CREB5: variants seen among roughly 807,000 people sequenced by gnomAD.
CREB5 encodes cAMP responsive element binding protein 5.
CREB5 carries 19 observed loss-of-function variants against 57.1 expected under a neutral mutation model. That is an observed-to-expected ratio of 0.33 (90% CI 0.23 to 0.49). The LOEUF (loss-of-function observed/expected upper bound fraction) is 0.49. CREB5 is among the 20% of genes least tolerant of loss of function. CREB5 has a pLI of 0.99. For synonymous variants in CREB5, 238 were observed against 238.3 expected (o/e 1.00, Z 0.01); for missense variants, 579 against 671.6 (o/e 0.86, Z 1.52).
intron 4 of CREB5, among the ~76,000 whole-genome samples, chr7:28,562,954 G>C (rs1795337214): frequency 6.6e-6 from 1 of 152,184 alleles, no homozygotes. Context: ...GCTTAGTGGT[G>C]ATGAGCCTGG....
At chr7:28,487,018 G>A (rs1005444956) in intron 1 of CREB5, among the ~76,000 whole-genome samples, 25 of 152,014 alleles carry the variant, frequency 1.6e-4, no homozygotes, top group African/African-American at 5.8e-4. Flanking sequence ...TTTAACATGT[G>A]TCTGATGTTT....
intron 7 of CREB5, among the ~76,000 whole-genome samples, chr7:28,753,480 C>T (rs1299378626): frequency 6.6e-6 from 1 of 152,072 alleles, no homozygotes; most frequent in East Asian, 1.9e-4. Context: ...TTTCCTTATG[C>T]TTTTTAGTTT....
chr7:28,485,625 C>G (rs1354475518), intron 1 of CREB5, among the ~76,000 whole-genome samples: 1 of 151,966 alleles, frequency 6.6e-6, no homozygotes, highest in Non-Finnish European at 1.5e-5. Context: ...GTCTTTATAC[C>G]CCTCTTATTA....
At chr7:28,723,716 A>T (rs1803176289) in intron 6 of CREB5, among the ~76,000 whole-genome samples, 1 of 152,190 alleles carries the variant, frequency 6.6e-6, no homozygotes, top group Non-Finnish European at 1.5e-5. Flanking sequence ...TGCCCAAAAG[A>T]TTTATGTTTA....
intron 1 of CREB5, among the ~76,000 whole-genome samples, chr7:28,463,027 T>C (rs1790413916): frequency 6.6e-6 from 1 of 152,176 alleles, no homozygotes; most frequent in African/African-American, 2.4e-5. Flanking sequence ...TAAAGATTTA[T>C]GTCTATGATT....
intron 1 of CREB5, among the ~76,000 whole-genome samples, chr7:28,474,359 G>A (rs886202690): frequency 3.3e-5 from 5 of 152,172 alleles, no homozygotes; most frequent in African/African-American, 1.2e-4. Context: ...TGGGAGTCTT[G>A]CTCTCCCCAT....
At chr7:28,356,005 G>T (rs1786333662) in intron 1 of CREB5, among the ~76,000 whole-genome samples, 1 of 152,204 alleles carries the variant, frequency 6.6e-6, no homozygotes, top group South Asian at 2.1e-4. Flanking sequence ...GAGGTGCCTT[G>T]TTCCACTGAG....
At chr7:28,577,352 G>A (rs1795945069) in intron 5 of CREB5, among the ~76,000 whole-genome samples, 1 of 152,212 alleles carries the variant, frequency 6.6e-6, no homozygotes, top group Non-Finnish European at 1.5e-5. Flanking sequence ...CCCAGAGAGT[G>A]AGAACAGAAT....
intron 1 of CREB5, among the ~76,000 whole-genome samples, chr7:28,445,405 C>T (rs1789393919): frequency 6.6e-6 from 1 of 152,146 alleles, no homozygotes; most frequent in African/African-American, 2.4e-5. Context: ...TCAGGTTCTA[C>T]AGTAGGCTGC....
chr7:28,740,851 A>T (rs2128756756), intron 7 of CREB5, among the ~76,000 whole-genome samples: 1 of 152,292 alleles, frequency 6.6e-6, no homozygotes, highest in South Asian at 2.1e-4. Context: ...TTGTTACTTG[A>T]TATGTGACTT....
intron 1 of CREB5, among the ~76,000 whole-genome samples, chr7:28,329,666 G>A (rs907741217): frequency 6.6e-6 from 1 of 152,164 alleles, no homozygotes; most frequent in Admixed American, 6.5e-5. Context: ...CCTAGAATGA[G>A]AACTTTTGCA....
At chr7:28,621,309 G>A (rs1295861505) in intron 5 of CREB5, among the ~76,000 whole-genome samples, 18 of 152,144 alleles carry the variant, frequency 1.2e-4, no homozygotes, top group Admixed American at 1.2e-3. Flanking sequence ...GAGCCAGAAA[G>A]TTTGGGTTAT....
At chr7:28,449,040 T>A (rs1425334771) in intron 1 of CREB5, among the ~76,000 whole-genome samples, 1 of 152,202 alleles carries the variant, frequency 6.6e-6, no homozygotes, top group Non-Finnish European at 1.5e-5. Flanking sequence ...TTACCTTTTT[T>A]AAAATGGCAT....
At chr7:28,559,481 A>AT in intron 4 of CREB5, among the ~76,000 whole-genome samples, 2 of 152,104 alleles carry the variant, frequency 1.3e-5, no homozygotes, top group Middle Eastern at 3.4e-3. Context: ...CACCCAGCTA[A>AT]TTTTTTGTAT....
chr7:28,692,251 T>A (rs1242293837), intron 5 of CREB5, among the ~76,000 whole-genome samples: 2 of 151,914 alleles, frequency 1.3e-5, no homozygotes, highest in Non-Finnish European at 2.9e-5. Flanking sequence ...CCTTTTTGTT[T>A]GGTTTTTTGG....
chr7:28,617,650 G>A (rs188703199), intron 5 of CREB5, among the ~76,000 whole-genome samples: 3 of 152,312 alleles, frequency 2.0e-5, no homozygotes, highest in African/African-American at 7.2e-5. Context: ...TTCACAGAAG[G>A]TGCTGTTCTC....
At chr7:28,436,017 T>C (rs1442383778) in intron 1 of CREB5, among the ~76,000 whole-genome samples, 1 of 152,152 alleles carries the variant, frequency 6.6e-6, no homozygotes, top group African/African-American at 2.4e-5. Flanking sequence ...TGTGGCATGA[T>C]GGTTTATTTT....
intron 7 of CREB5, among the ~76,000 whole-genome samples, chr7:28,785,875 G>A (rs1394699145): frequency 6.6e-6 from 1 of 152,180 alleles, no homozygotes; most frequent in Non-Finnish European, 1.5e-5. Flanking sequence ...AACTCCACGG[G>A]ATAGAATCCA....
intron 7 of CREB5, among the ~76,000 whole-genome samples, chr7:28,735,670 A>G (rs765941685): frequency 2.6e-5 from 4 of 152,096 alleles, no homozygotes; most frequent in Non-Finnish European, 5.9e-5. Context: ...CCTGAGGGGG[A>G]GGGATCTGAA....
Sources: gnomAD v4.1 joint callset for allele counts (sites outside exome capture counted in the v4.1 genomes callset) on GRCh38, gnomAD v4.1.1 for gene constraint, MANE v1.5 for transcripts, NCBI Gene and HGNC (gene_info 2026-07-23, HGNC 2026-07-21) for gene names.